The following SCRN3 variants were observed in gnomAD, a reference collection of about 807,000 sequenced individuals.
SCRN3 encodes secernin 3, also known as secernin-3.
SCRN3 carries 39 observed loss-of-function variants against 43.1 expected under a neutral mutation model. The ratio of observed to expected loss-of-function variants is 0.91; its 90% CI spans 0.70 to 1.18. SCRN3 has a LOEUF of 1.18. Among genes scored for constraint, SCRN3 ranks in the 50% most tolerant of loss-of-function variants. SCRN3 has a pLI of 0.00. For synonymous variants in SCRN3, 147 were observed against 163.1 expected (o/e 0.90, Z 0.75); for missense variants, 484 against 498.0 (o/e 0.97, Z 0.27).
At chr2:174,402,159 T>A (rs16862562) in intron 4 of SCRN3, among the ~76,000 whole-genome samples, 36,361 of 152,132 alleles carry the variant, frequency 0.24, 5,820 homozygotes, top group East Asian at 0.7. Flanking sequence ...TTTCTTTTTG[T>A]GATAATTGGC....
intron 7 of SCRN3, 111 bp downstream of exon 7, chr2:174,424,760 G>C: frequency 1.2e-6 from 1 of 808,400 alleles, no homozygotes; most frequent in South Asian, 2.0e-5. Context: ...AATAGTTTTA[G>C]GAATAGTTTA....
Position 174,398,280 on chromosome 2 carries a change from A to G in SCRN3, c.-4A>G, listed in dbSNP as rs746146451. 3.8e-6 allele frequency: 6 copies of G among 1,558,510 alleles called. No individual in the cohort carries two copies. The East Asian group carries it at 1.2e-4, about 30-fold the overall frequency. ...AACATCTGTATAATTTTTAGTTAAA[A>G]AAAATGGAACCTTTTTCCTGTGACA... On this transcript the variant is annotated 5_prime_UTR_variant, in exon 2 of 8. Coordinates refer to ENST00000272732, the MANE Select transcript of SCRN3 (RefSeq NM_024583.5).
chr2:174,397,204 T>C (rs558968156), intron 1 of SCRN3: 2 of 972,196 alleles, frequency 2.1e-6, no homozygotes, highest in East Asian at 2.3e-4. Flanking sequence ...CTTTTCTTTT[T>C]AAGGAAACAT....
intron 5 of SCRN3, among the ~76,000 whole-genome samples, chr2:174,419,397 A>G (rs762347558): frequency 4.6e-5 from 7 of 152,176 alleles, no homozygotes; most frequent in Non-Finnish European, 1.0e-4. Flanking sequence ...TGATTGAGTG[A>G]TTGACAGGGT....
At chr2:174,418,949 T>G (rs181035568) in intron 5 of SCRN3, among the ~76,000 whole-genome samples, 27 of 152,330 alleles carry the variant, frequency 1.8e-4, no homozygotes, top group African/African-American at 6.3e-4. Context: ...GGCTATATTG[T>G]GGAGAAACTG....
chr2:174,414,949 A>G lies in SCRN3; in HGVS notation c.755-7936A>G, dbSNP rs567365727. Reference sequence around the variant, plus strand: ...TGGCTAATTTTTTTATTTTTTGTAGAGATGGGTTTCACCGTGTTGGCCAGG... The same window carrying G: ...TGGCTAATTTTTTTATTTTTTGTAGGGATGGGTTTCACCGTGTTGGCCAGG... On this transcript the variant is annotated intron_variant, in intron 5 of 7. Transcript: ENST00000272732. Among the ~76,000 whole-genome samples the G allele has an allele frequency of 5.3e-5, 8 of 151,972 alleles. No homozygotes were observed. The East Asian group carries it at 1.5e-3, about 29-fold the overall frequency.
At chr2:174,400,140 C>T (rs1181882622) in intron 3 of SCRN3, 37 bp downstream of exon 3, 1 of 1,387,704 alleles carries the variant, frequency 7.2e-7, no homozygotes, top group East Asian at 2.7e-5. Flanking sequence ...CAGACCTTGT[C>T]TAAATTTATA....
rs556921690 is a variant in SCRN3, at chr2:174,415,135, A to G, written c.755-7750A>G. On this transcript the variant is annotated intron_variant, in intron 5 of 7. Coordinates refer to ENST00000272732, the MANE Select transcript of SCRN3 (RefSeq NM_024583.5). ...GTAGTAGAATGTCAGGTCAAAGCTT[A>G]TGTACATTTGAAGGTTTTTGAAACA... is the stretch of plus-strand genomic sequence containing the variant. Among the ~76,000 whole-genome samples the G allele has an allele frequency of 5.9e-5, 9 of 152,350 alleles. 1 individual carries two copies. In the South Asian group the frequency reaches 1.9e-3, roughly 32 times the overall value.
At chr2:174,398,570 A>G (rs1685403978) in intron 2 of SCRN3, 128 bp downstream of exon 2, 3 of 693,478 alleles carry the variant, frequency 4.3e-6, no homozygotes, top group East Asian at 3.2e-5. Flanking sequence ...AAAATAAATG[A>G]GTCAGAAATA....
intron 4 of SCRN3, among the ~76,000 whole-genome samples, chr2:174,402,411 G>A (rs895832223): frequency 1.3e-5 from 2 of 152,140 alleles, no homozygotes; most frequent in Admixed American, 6.5e-5. Flanking sequence ...TTATTGGCTG[G>A]GCATGGTGGC....
intron 5 of SCRN3, among the ~76,000 whole-genome samples, chr2:174,412,924 A>G (rs979943745): frequency 3.7e-5 from 5 of 135,486 alleles, no homozygotes; most frequent in Non-Finnish European, 7.6e-5. Flanking sequence ...CTGGATTGCA[A>G]TGGCGCGATC....
rs201555468 is a variant in SCRN3 at position 174,412,351 on chromosome 2, AT to A, written c.754+8050del. Among the ~76,000 whole-genome samples, 225 of 145,892 alleles carry A rather than the reference AT, an allele frequency of 1.5e-3. 2 individuals are homozygous for A. Among genetic ancestry groups the A allele is most frequent in the African/African-American group, 3.7e-3 (146 of 39,906 alleles). ...ATAGCATGGGAGAAATCTCCTGGGAATTTTTTTTTTTTTTCTGCTTTCTTTC... is the reference window on the plus strand; with the variant it reads ...ATAGCATGGGAGAAATCTCCTGGGAATTTTTTTTTTTTTCTGCTTTCTTTC... On this transcript the variant is annotated intron_variant, in intron 5 of 7. Transcript: ENST00000272732.
chr2:174,418,149 A>G (rs1475915416), intron 5 of SCRN3, among the ~76,000 whole-genome samples: 3 of 152,352 alleles, frequency 2.0e-5, no homozygotes, highest in East Asian at 1.9e-4. Context: ...ATTCAGTTAT[A>G]TTTAAGAATA....
chr2:174,403,579 G>A (rs1464121879), intron 4 of SCRN3, among the ~76,000 whole-genome samples: 1 of 152,060 alleles, frequency 6.6e-6, no homozygotes, highest in Non-Finnish European at 1.5e-5. Flanking sequence ...TGAATCTTTA[G>A]CGAATTGTGC....
intron 5 of SCRN3, among the ~76,000 whole-genome samples, chr2:174,412,833 A>G (rs948667755): frequency 6.1e-5 from 9 of 147,728 alleles, no homozygotes; most frequent in African/African-American, 2.2e-4. Flanking sequence ...CCTATAGAGT[A>G]GACAACTGCT....
intron 5 of SCRN3, among the ~76,000 whole-genome samples, chr2:174,415,764 C>T (rs1337571640): frequency 6.6e-6 from 1 of 152,170 alleles, no homozygotes; most frequent in Non-Finnish European, 1.5e-5. Flanking sequence ...CGTGCCTCAA[C>T]CTCCCAAATA....
chr2:174,398,310 C>A lies in SCRN3; in HGVS notation c.27C>A (p.Phe9Leu), dbSNP rs760694859. The A allele has an allele frequency of 6.3e-7, 1 of 1,579,984 alleles. No individual in the cohort carries two copies. The highest frequency in any genetic ancestry group is 8.6e-7 in the Non-Finnish European group (1 of 1,168,864). ...TGGAACCTTTTTCCTGTGACACTTTCGTGGCATTACCTCCAGCAACAGTCG... is the reference window on the plus strand; with the variant it reads ...TGGAACCTTTTTCCTGTGACACTTTAGTGGCATTACCTCCAGCAACAGTCG... Reference protein sequence around the residue: MEPFSCDTFVALPPATVDN... With the variant: MEPFSCDTLVALPPATVDN... Residue 9 changes from phenylalanine to leucine, a missense_variant, in exon 2 of 8, where the codon TTC becomes TTA. Phe to Leu is a conservative substitution (Grantham distance 22). Coordinates refer to ENST00000272732, the MANE Select transcript of SCRN3 (RefSeq NM_024583.5).
chr2:174,412,430 A>T lies in SCRN3; in HGVS notation c.754+8115A>T, dbSNP rs1052898662. Among the ~76,000 whole-genome samples the T allele has an allele frequency of 5.3e-5, 8 of 150,676 alleles. No individual in the cohort carries two copies. In the East Asian group the frequency reaches 1.6e-3, roughly 29 times the overall value. ...CCAGTCCTGAATCTGCAATCTTGTG[A>T]TGGTTATGTGATGAGGGTAGCAGCT... On this transcript the variant is annotated intron_variant, in intron 5 of 7. Transcript: ENST00000272732.
chr2:174,419,216 C>A (rs1289363505), intron 5 of SCRN3, among the ~76,000 whole-genome samples: 1 of 151,950 alleles, frequency 6.6e-6, no homozygotes, highest in African/African-American at 2.4e-5. Context: ...TTTTTTAATT[C>A]TTTTACTGTC....
Sources: gnomAD v4.1 joint callset for allele counts (sites outside exome capture counted in the v4.1 genomes callset) on GRCh38, gnomAD v4.1.1 for gene constraint, MANE v1.5 for transcripts, NCBI Gene and HGNC (gene_info 2026-07-23, HGNC 2026-07-21) for gene names.